Variants in IL1RAPL2 observed in about 807,000 individuals in gnomAD.
IL1RAPL2 encodes the protein interleukin 1 receptor accessory protein like 2.
Under a neutral mutation model 44.1 loss-of-function variants are expected in IL1RAPL2, and 3 were observed. The observed-to-expected ratio is 0.07, with a 90% CI of 0.03 to 0.18. The LOEUF is 0.18. Among genes scored for constraint, IL1RAPL2 ranks in the 10% least tolerant of loss-of-function variants. The pLI is 1.00. For synonymous variants in IL1RAPL2, 181 were observed against 178.8 expected, an observed-to-expected ratio of 1.01 and a Z score of -0.10; for missense variants, 391 against 496.4, an observed-to-expected ratio of 0.79 and a Z score of 2.02.
At chrX:105,407,864 A>G (rs1323597976) in intron 5 of IL1RAPL2, among the ~76,000 whole-genome samples, 2 of 112,021 alleles carry the variant, frequency 1.8e-5, no homozygotes, top group Non-Finnish European at 3.8e-5. Context: ...AATTCTATCT[A>G]TTTACACTAT....
chrX:105,299,205 A>G, intron 5 of IL1RAPL2, among the ~76,000 whole-genome samples: 1 of 112,065 alleles, frequency 8.9e-6, no homozygotes, highest in Non-Finnish European at 1.9e-5. Flanking sequence ...CATGTATTTA[A>G]TGTAGACATT....
At chrX:105,141,652 G>A (rs1569391445) in intron 2 of IL1RAPL2, among the ~76,000 whole-genome samples, 1 of 111,811 alleles carries the variant, frequency 8.9e-6, no homozygotes, top group African/African-American at 3.2e-5. Context: ...GGCTACAAGC[G>A]TAACAGTGGC....
chrX:105,755,086 C>A, intron 9 of IL1RAPL2, 91 bp from the exon 10 acceptor site: 1 of 534,614 alleles, frequency 1.9e-6, no homozygotes, highest in Non-Finnish European at 3.0e-6. Flanking sequence ...TTATTAAAGA[C>A]GGTCACTAAT....
chrX:105,012,493 A>G, intron 2 of IL1RAPL2, among the ~76,000 whole-genome samples: 2 of 110,137 alleles, frequency 1.8e-5, no homozygotes, highest in Non-Finnish European at 3.8e-5. Flanking sequence ...TTGAAAATAA[A>G]TCAATGCAGA....
intron 1 of IL1RAPL2, among the ~76,000 whole-genome samples, chrX:104,625,809 C>T (rs937959843): frequency 2.4e-4 from 27 of 111,354 alleles, no homozygotes; most frequent in African/African-American, 7.2e-4. Context: ...AAAACTTTAA[C>T]CCAGAGTTCC....
intron 1 of IL1RAPL2, among the ~76,000 whole-genome samples, chrX:104,608,662 CTTTTTTTTTTTT>C (rs60105376): frequency 3.4e-5 from 2 of 58,546 alleles, no homozygotes; most frequent in Non-Finnish European, 5.8e-5. Context: ...GCAACCCCTG[CTTTTTTTTTTTT>C]TTTTTTTTTT....
intron 2 of IL1RAPL2, among the ~76,000 whole-genome samples, chrX:105,021,070 T>C (rs1402814091): frequency 1.8e-5 from 2 of 111,885 alleles, no homozygotes; most frequent in Admixed American, 9.5e-5. Flanking sequence ...GATTACCAGA[T>C]CTAACTTAAG....
chrX:104,634,522 G>T (rs1380463962), intron 1 of IL1RAPL2, among the ~76,000 whole-genome samples: 1 of 111,612 alleles, frequency 9.0e-6, no homozygotes, highest in East Asian at 2.8e-4. Flanking sequence ...ATGAATCTGG[G>T]TGCTCCTGTG....
At chrX:104,677,758 G>A (rs1488884367) in intron 2 of IL1RAPL2, among the ~76,000 whole-genome samples, 1 of 111,995 alleles carries the variant, frequency 8.9e-6, no homozygotes, top group Non-Finnish European at 1.9e-5. Flanking sequence ...GACTCCGTGG[G>A]GTAGGACCCT....
In IL1RAPL2 at chrX:105,579,883, G is replaced by C. The variant is rs996826469; in HGVS notation, c.772+95496G>C. 1.3e-4 allele frequency among the ~76,000 whole-genome samples: 15 copies of C among 111,638 alleles called. No individual in the cohort carries two copies. The East Asian group carries it at 4.2e-3, about 31-fold the overall frequency. ...TTTCTAAGCCCAAGATACATGATTT[G>C]GGATGGCTGTGGTATCCCAACAGAC... is the stretch of plus-strand genomic sequence containing the variant. On this transcript the variant is annotated intron_variant, in intron 6 of 10. Coordinates refer to ENST00000372582, the MANE Select transcript of IL1RAPL2 (RefSeq NM_017416.2).
At chrX:105,469,221 A>G (rs991438542) in intron 5 of IL1RAPL2, among the ~76,000 whole-genome samples, 16 of 111,524 alleles carry the variant, frequency 1.4e-4, no homozygotes, top group Non-Finnish European at 7.5e-5. Flanking sequence ...AAGATTGTCT[A>G]GGATGGAAAA....
intron 5 of IL1RAPL2, among the ~76,000 whole-genome samples, chrX:105,342,975 G>A (rs763807234): frequency 7.1e-4 from 79 of 111,076 alleles, no homozygotes; most frequent in Non-Finnish European, 1.1e-3. Flanking sequence ...ATCTTAAAAG[G>A]AAAACAGGGA....
At chrX:105,300,765 G>C (rs1164471735) in intron 5 of IL1RAPL2, among the ~76,000 whole-genome samples, 6 of 111,214 alleles carry the variant, frequency 5.4e-5, no homozygotes, top group Non-Finnish European at 1.1e-4. Flanking sequence ...GAAAAATTTA[G>C]TAAGTAGCTG....
At chrX:104,864,764 T>C (rs949065182) in intron 2 of IL1RAPL2, among the ~76,000 whole-genome samples, 1 of 111,498 alleles carries the variant, frequency 9.0e-6, no homozygotes, top group Non-Finnish European at 1.9e-5. Flanking sequence ...CTTTCTCCCA[T>C]CCTTCCCCAG....
chrX:105,557,082 G>T (rs868764422), intron 6 of IL1RAPL2, among the ~76,000 whole-genome samples: 1 of 111,941 alleles, frequency 8.9e-6, no homozygotes, highest in Non-Finnish European at 1.9e-5. Context: ...GTTGTTTGAA[G>T]TCGAAAGTCT....
At chrX:104,954,314 A>G (rs960792712) in intron 2 of IL1RAPL2, among the ~76,000 whole-genome samples, 2 of 111,832 alleles carry the variant, frequency 1.8e-5, no homozygotes, top group African/African-American at 3.2e-5. Context: ...TCTTGCCATC[A>G]TTACCTAAAA....
chrX:105,402,220 A>G lies in IL1RAPL2; in HGVS notation c.698-82093A>G, dbSNP rs938459605. 3.8e-4 allele frequency among the ~76,000 whole-genome samples: 42 copies of G among 111,404 alleles called. 1 individual carries two copies. Among genetic ancestry groups the G allele is most frequent in the Admixed American group, 3.5e-3 (37 of 10,448 alleles). ...TAATACAGAGTTGCAAGGCATTATC[A>G]CTCAATCATAAGGATCTTTCAAAAA... On this transcript the variant is annotated intron_variant, in intron 5 of 10. Coordinates refer to ENST00000372582, the MANE Select transcript of IL1RAPL2 (RefSeq NM_017416.2).
At chrX:104,923,579 A>G (rs557414317) in intron 2 of IL1RAPL2, among the ~76,000 whole-genome samples, 31 of 111,941 alleles carry the variant, frequency 2.8e-4, no homozygotes, top group African/African-American at 8.8e-4. Flanking sequence ...ATGAAGGAGA[A>G]AGTATTTTCC....
At chrX:105,750,794 T>C (rs1416811255) in intron 9 of IL1RAPL2, among the ~76,000 whole-genome samples, 1 of 109,936 alleles carries the variant, frequency 9.1e-6, no homozygotes, top group Non-Finnish European at 1.9e-5. Flanking sequence ...GGAAATATGA[T>C]CAATTACCCT....
Sources: allele counts gnomAD v4.1 joint callset (sites outside exome capture counted in the v4.1 genomes callset), GRCh38; gene constraint gnomAD v4.1.1; transcripts MANE v1.5; gene names NCBI Gene and HGNC (gene_info 2026-07-23, HGNC 2026-07-21).